WDFY4: variants seen among roughly 807,000 people sequenced by gnomAD.
WDFY4 encodes the protein WD repeat- and FYVE domain-containing protein 4.
Under a neutral mutation model 351.9 loss-of-function variants are expected in WDFY4, and 169 were observed. The ratio of observed to expected loss-of-function variants is 0.48; its 90% CI spans 0.42 to 0.55. WDFY4 has a LOEUF of 0.55. WDFY4 is among the 20% of genes least tolerant of loss of function. The pLI is 0.00. For synonymous variants in WDFY4, 1,622 were observed against 1,574.6 expected, an observed-to-expected ratio of 1.03 and a Z score of -0.71; for missense variants, 3,803 against 3,935.6, an observed-to-expected ratio of 0.97 and a Z score of 0.90.
rs1842279381 is a variant in WDFY4 at position 48,970,247 on chromosome 10, C to G, written c.8886C>G (p.Leu2962=). 6.4e-7 allele frequency: 1 copy of G among 1,551,534 alleles called. No homozygotes were observed. The highest frequency in any genetic ancestry group is 1.4e-5 in the African/African-American group (1 of 73,060). The change falls in exon 57 of 62, where the codon CTC becomes CTG. Residue 2962 remains leucine (L), a synonymous_variant. Coordinates refer to ENST00000325239, the MANE Select transcript of WDFY4 (RefSeq NM_001394531.1). The stretch of plus-strand genomic sequence containing the variant: ...GCACTGTGGTGTGTGTGTGGGAGCT[C>G]AGCATGACCAAAGGCCGCCCGAGGG... ...GTSTVVCVWE[L]SMTKGRPRGL...
intron 47 of WDFY4, among the ~76,000 whole-genome samples, chr10:48,929,418 C>A (rs942865105): frequency 1.3e-5 from 2 of 152,158 alleles, no homozygotes; most frequent in Admixed American, 1.3e-4. Flanking sequence ...ATACTCCAGG[C>A]CAGTGAGTGT....
At chr10:48,920,355 G>T (rs531368621) in intron 47 of WDFY4, among the ~76,000 whole-genome samples, 1 of 151,278 alleles carries the variant, frequency 6.6e-6, no homozygotes, top group African/African-American at 2.4e-5. Flanking sequence ...ATCACACACC[G>T]GGGCCTGTTG....
chr10:48,934,074 G>C (rs1022546008), intron 47 of WDFY4, among the ~76,000 whole-genome samples: 21 of 152,182 alleles, frequency 1.4e-4, no homozygotes, highest in African/African-American at 5.1e-4. Flanking sequence ...GAAGGCATGT[G>C]ATCAGAGCAG....
intron 58 of WDFY4, 94 bp from the exon 59 acceptor site, chr10:48,976,703 A>T: frequency 1.7e-6 from 2 of 1,157,126 alleles, no homozygotes. Context: ...TGACAGATTG[A>T]GAGTACTTGG....
chr10:48,793,152 T>G (rs1189795261), intron 23 of WDFY4, among the ~76,000 whole-genome samples: 1 of 152,212 alleles, frequency 6.6e-6, no homozygotes, highest in African/African-American at 2.4e-5. Flanking sequence ...GACCAGGCAC[T>G]GTGCTAGGCA....
At chr10:48,739,222 C>G (rs1481843370) in intron 11 of WDFY4, among the ~76,000 whole-genome samples, 1 of 152,292 alleles carries the variant, frequency 6.6e-6, no homozygotes, top group Non-Finnish European at 1.5e-5. Context: ...CCTGTTAGTC[C>G]TAACGTAGTT....
intron 44 of WDFY4, among the ~76,000 whole-genome samples, chr10:48,896,118 A>G (rs1398591842): frequency 6.6e-6 from 1 of 152,176 alleles, no homozygotes. Context: ...ATCGCTTCAG[A>G]ATTCAGTACA....
rs989521993 is a variant in WDFY4, at chr10:48,729,334, G to T, written c.972-98G>T. ...AGACCTGTGGGGTCTTCCCCAGCTT[G>T]CAGATCCCCATTGGCTCTGTCTCCT... is the stretch of plus-strand genomic sequence containing the variant. On this transcript the variant is annotated intron_variant, in intron 7 of 61. Coordinates refer to ENST00000325239, the MANE Select transcript of WDFY4 (RefSeq NM_001394531.1). 15 of 1,483,194 alleles carry T rather than the reference G, an allele frequency of 1.0e-5. No individual in the cohort carries two copies. The African/African-American group carries it at 1.5e-4, about 15-fold the overall frequency. The allele number at this position is 1,483,194 out of a possible 1,614,324, so 91.9% of individuals were successfully genotyped here.
intron 12 of WDFY4, among the ~76,000 whole-genome samples, chr10:48,752,478 A>T (rs1049495557): frequency 6.6e-6 from 1 of 152,266 alleles, no homozygotes; most frequent in Non-Finnish European, 1.5e-5. Context: ...TGTTGTGCAA[A>T]GACCACCTCT....
At position 48,966,604 on chromosome 10, in the gene WDFY4, C is replaced by A. The variant is rs149854637; in HGVS notation, c.8515C>A (p.Leu2839Met). Residue 2839 changes from leucine (L) to methionine (M), a missense_variant, in exon 55 of 62, where the codon CTG (leucine) becomes ATG (methionine). Coordinates refer to ENST00000325239, the MANE Select transcript of WDFY4 (RefSeq NM_001394531.1). ...PGKDVSTPVS[L>M]PGHPQPFFYS... is the part of the protein sequence containing the mutation. ...AAAGGATGTCTCCACCCCCGTGAGC[C>A]TGCCTGGCCACCCACAGCCCTTTTT... 153 of 1,551,978 alleles carry A rather than the reference C, an allele frequency of 9.9e-5. No individual in the cohort carries two copies. The African/African-American group carries it at 1.8e-3, about 18-fold the overall frequency.
chr10:48,686,209 A>G (rs937538593), intron 1 of WDFY4, among the ~76,000 whole-genome samples: 2 of 150,962 alleles, frequency 1.3e-5, no homozygotes, highest in African/African-American at 4.9e-5. Context: ...GGCCAGGCGC[A>G]GTGGTTCACG....
At chr10:48,932,772 G>A (rs1048299600) in intron 47 of WDFY4, among the ~76,000 whole-genome samples, 7 of 152,164 alleles carry the variant, frequency 4.6e-5, no homozygotes, top group East Asian at 3.9e-4. Flanking sequence ...AGGGCATATC[G>A]GTGGGGACGT....
chr10:48,743,743 A>G (rs1193001498), intron 12 of WDFY4, among the ~76,000 whole-genome samples, 195 bp downstream of exon 12: 1 of 152,142 alleles, frequency 6.6e-6, no homozygotes. Flanking sequence ...GGAAAATTCA[A>G]TCTGAGTCAG....
intron 39 of WDFY4, among the ~76,000 whole-genome samples, chr10:48,835,406 C>T (rs1218968181): frequency 6.6e-6 from 1 of 152,068 alleles, no homozygotes; most frequent in Non-Finnish European, 1.5e-5. Flanking sequence ...GAGGATCAGG[C>T]AGAGAGGACA....
At chr10:48,723,605 A>G in intron 5 of WDFY4, 38 bp downstream of exon 5, 2 of 1,549,830 alleles carry the variant, frequency 1.3e-6, no homozygotes, top group Non-Finnish European at 1.7e-6. Flanking sequence ...CTGGGTCAAA[A>G]CCTCACTTCG....
At chr10:48,694,547 T>C (rs1196185445) in intron 1 of WDFY4, among the ~76,000 whole-genome samples, 1 of 151,988 alleles carries the variant, frequency 6.6e-6, no homozygotes, top group Non-Finnish European at 1.5e-5. Flanking sequence ...GGTGGCAGAA[T>C]TACCAGTGAC....
intron 44 of WDFY4, among the ~76,000 whole-genome samples, chr10:48,893,097 G>C (rs1836895738): frequency 6.6e-6 from 1 of 152,188 alleles, no homozygotes; most frequent in East Asian, 1.9e-4. Flanking sequence ...CTCCTTCCTT[G>C]CTTCTTTAAG....
chr10:48,750,138 G>A (rs950505890), intron 12 of WDFY4, among the ~76,000 whole-genome samples: 2 of 152,218 alleles, frequency 1.3e-5, no homozygotes, highest in Non-Finnish European at 2.9e-5. Context: ...AATGTCCCCT[G>A]TGGGTATGAG....
intron 44 of WDFY4, among the ~76,000 whole-genome samples, chr10:48,894,516 A>T (rs1205689611): frequency 6.6e-6 from 1 of 152,224 alleles, no homozygotes; most frequent in Non-Finnish European, 1.5e-5. Flanking sequence ...TGGGAATAAA[A>T]ATAAGTCATG....
Sources: allele counts gnomAD v4.1 joint callset (sites outside exome capture counted in the v4.1 genomes callset), GRCh38; gene constraint gnomAD v4.1.1; transcripts MANE v1.5; gene names NCBI Gene and HGNC (gene_info 2026-07-23, HGNC 2026-07-21).